The following PHLPP2 variants were observed in gnomAD, a reference collection of about 807,000 sequenced individuals.
PHLPP2 encodes PH domain and leucine rich repeat protein phosphatase 2.
PHLPP2 carries 66 observed loss-of-function variants against 124.9 expected under a neutral mutation model. The observed-to-expected ratio is 0.53, with a 90% CI of 0.43 to 0.65. The LOEUF (loss-of-function observed/expected upper bound fraction) is 0.65. Among genes scored for constraint, PHLPP2 ranks in the 30% least tolerant of loss-of-function variants. PHLPP2 has a pLI of 0.00. For synonymous variants in PHLPP2, 681 were observed against 624.7 expected (o/e 1.09, Z -1.34); for missense variants, 1,685 against 1,600.4 (o/e 1.05, Z -0.90).
intron 17 of PHLPP2, among the ~76,000 whole-genome samples, chr16:71,654,592 A>AT (rs1011933144): frequency 1.3e-5 from 2 of 152,156 alleles, no homozygotes; most frequent in African/African-American, 4.8e-5. Context: ...TCACCACATG[A>AT]TTTTGCCCAA....
intron 1 of PHLPP2, among the ~76,000 whole-genome samples, chr16:71,715,982 ACTCTGT>A (rs1196258718): frequency 6.7e-6 from 1 of 149,686 alleles, no homozygotes; most frequent in Non-Finnish European, 1.5e-5. Context: ...GGCAACAGAG[ACTCTGT>A]CTCAAAAAAA....
rs2044644038 is a variant in PHLPP2 at position 71,645,023 on chromosome 16, ATATTATTGAAT to A, written c.*3856_*3866del. 3.5e-6 allele frequency: 1 copy of A among 281,946 alleles called. No homozygotes were observed. Among genetic ancestry groups the A allele is most frequent in the African/African-American group, 2.3e-5 (1 of 43,944 alleles). 17.5% of individuals were successfully genotyped at this position (281,946 alleles called of 1,614,324 possible). ...GATTTGCTGCAACATGCTCTGGCTCATATTATTGAATTAAAAAATTTAACACATTTCAAAAA... is the reference window on the plus strand; with the variant it reads ...GATTTGCTGCAACATGCTCTGGCTCATAAAAAATTTAACACATTTCAAAAA... On this transcript the variant is annotated 3_prime_UTR_variant, in exon 19 of 19. Transcript: ENST00000568954.
At chr16:71,659,398 T>A (rs531698478) in intron 13 of PHLPP2, among the ~76,000 whole-genome samples, 4 of 152,064 alleles carry the variant, frequency 2.6e-5, no homozygotes, top group South Asian at 4.2e-4. Context: ...ATTACAGGCA[T>A]GCGCCACCAC....
intron 15 of PHLPP2, among the ~76,000 whole-genome samples, chr16:71,657,221 G>A (rs1467357773): frequency 3.9e-5 from 6 of 152,176 alleles, no homozygotes; most frequent in East Asian, 3.9e-4. Context: ...GGGATTACAG[G>A]TGTGAGCCAC....
intron 3 of PHLPP2, among the ~76,000 whole-genome samples, chr16:71,696,547 G>T (rs1407221803): frequency 6.6e-6 from 1 of 151,400 alleles, no homozygotes; most frequent in Non-Finnish European, 1.5e-5. Context: ...TGAGGCATGA[G>T]AATTGCTTGA....
rs2044763077 is a variant in PHLPP2, at chr16:71,658,768, T to C, written c.2033A>G (p.Asn678Ser). The C allele has an allele frequency of 2.5e-6, 4 of 1,614,192 alleles. No homozygotes were observed. Among genetic ancestry groups the C allele is most frequent in the Middle Eastern group, 1.6e-4 (1 of 6,062 alleles). The change falls in exon 14 of 19, where the codon AAC becomes AGC. Residue 678 changes from asparagine (N) to serine (S), a missense_variant. Coordinates refer to ENST00000568954, the MANE Select transcript of PHLPP2 (RefSeq NM_015020.3). ...GGTTGTGGGAATGGTTTTAAGCTTG[T>C]TGCCACTTAGGTTCAGTTCCTCCAA... The part of the protein sequence containing the change: ...EQLEELNLSG[N>S]KLKTIPTTIA...
intron 13 of PHLPP2, 34 bp downstream of exon 13, chr16:71,663,865 T>C (rs541874169): frequency 3.4e-6 from 5 of 1,466,396 alleles, no homozygotes; most frequent in Admixed American, 3.4e-5. Flanking sequence ...TAATGTTGTG[T>C]ATTTGAAATG....
At chr16:71,709,370 C>A (rs1597017013) in intron 2 of PHLPP2, among the ~76,000 whole-genome samples, 1 of 152,058 alleles carries the variant, frequency 6.6e-6, no homozygotes, top group African/African-American at 2.4e-5. Context: ...TGGTTCTAAA[C>A]TAATTTTAAA....
rs762580509 is a variant in PHLPP2, at chr16:71,669,285, C to G, written c.1618G>C (p.Val540Leu). The G allele has an allele frequency of 3.1e-6, 5 of 1,605,704 alleles. No individual in the cohort carries two copies. Reference protein sequence around the residue: ...LDVSYNLLTEVPVRILSSLSL... With the variant: ...LDVSYNLLTELPVRILSSLSL... ...TCCAGGCACACATACCTCACGGGAA[C>G]CTCTGTGAGAAGATTATAGCTCACA... is the stretch of plus-strand genomic sequence containing the variant. Residue 540 changes from valine (V) to leucine (L), a missense_variant, in exon 11 of 19, where the codon GTT (valine) becomes CTT (leucine). Coordinates refer to ENST00000568954, the MANE Select transcript of PHLPP2 (RefSeq NM_015020.3).
chr16:71,707,245 G>A (rs1193946242), intron 2 of PHLPP2, among the ~76,000 whole-genome samples: 2 of 151,924 alleles, frequency 1.3e-5, no homozygotes, highest in African/African-American at 4.8e-5. Flanking sequence ...GTGAGCCACC[G>A]CGCCCGGCCA....
intron 4 of PHLPP2, among the ~76,000 whole-genome samples, chr16:71,688,836 G>A (rs2045078988): frequency 6.6e-6 from 1 of 152,064 alleles, no homozygotes; most frequent in East Asian, 1.9e-4. Flanking sequence ...CCCCATGGTT[G>A]ATACTGGAGT....
At chr16:71,670,695 AACACAC>A (rs71153651) in intron 10 of PHLPP2, among the ~76,000 whole-genome samples, 1 of 128,938 alleles carries the variant, frequency 7.8e-6, no homozygotes, top group African/African-American at 3.0e-5. Context: ...AGAGGCTGAA[AACACAC>A]ACACACACAC....
chr16:71,722,575 C>A (rs2045405208), intron 1 of PHLPP2, among the ~76,000 whole-genome samples: 1 of 152,150 alleles, frequency 6.6e-6, no homozygotes, highest in Non-Finnish European at 1.5e-5. Flanking sequence ...TCGTACTAAC[C>A]TTCATAACAT....
At chr16:71,654,718 A>T (rs1409882103) in intron 17 of PHLPP2, among the ~76,000 whole-genome samples, 1 of 152,222 alleles carries the variant, frequency 6.6e-6, no homozygotes, top group Non-Finnish European at 1.5e-5. Context: ...TTTTCAACTT[A>T]TGATGTCAGG....
chr16:71,721,706 C>T (rs2045399812), intron 1 of PHLPP2, among the ~76,000 whole-genome samples: 1 of 151,214 alleles, frequency 6.6e-6, no homozygotes, highest in Non-Finnish European at 1.5e-5. Flanking sequence ...CACACACCGA[C>T]ATTAGCTGTA....
chr16:71,700,452 A>T (rs1344751947), intron 3 of PHLPP2, among the ~76,000 whole-genome samples: 1 of 151,106 alleles, frequency 6.6e-6, no homozygotes, highest in Non-Finnish European at 1.5e-5. Context: ...AAATTCTTTG[A>T]CACTCCTTTC....
At position 71,652,218 on chromosome 16, in the gene PHLPP2, G is replaced by C. The variant is rs1454749339; in HGVS notation, c.2817+572C>G. 2.6e-5 allele frequency among the ~76,000 whole-genome samples: 4 copies of C among 152,196 alleles called. No homozygotes were observed. In the East Asian group the frequency reaches 7.7e-4, roughly 29 times the overall value. Reference sequence around the variant, plus strand: ...ACAATCCAATTTACAGTTCTCAAAAGATCTGAACGGAATTCATCACGGAAT... The same window carrying C: ...ACAATCCAATTTACAGTTCTCAAAACATCTGAACGGAATTCATCACGGAAT... On this transcript the variant is annotated intron_variant, in intron 18 of 18. Coordinates refer to ENST00000568954, the MANE Select transcript of PHLPP2 (RefSeq NM_015020.3).
chr16:71,680,721 A>C (rs1277516785), intron 6 of PHLPP2, among the ~76,000 whole-genome samples: 1 of 152,204 alleles, frequency 6.6e-6, no homozygotes, highest in Non-Finnish European at 1.5e-5. Flanking sequence ...CTTCTCTTCC[A>C]AATTTTCAAC....
intron 18 of PHLPP2, among the ~76,000 whole-genome samples, chr16:71,650,788 C>G (rs2044690436): frequency 6.6e-6 from 1 of 152,272 alleles, no homozygotes; most frequent in South Asian, 2.1e-4. Context: ...GGGAGAAGAC[C>G]TGAGCTTATT....
Sources: gnomAD v4.1 joint callset for allele counts (sites outside exome capture counted in the v4.1 genomes callset) on GRCh38, gnomAD v4.1.1 for gene constraint, MANE v1.5 for transcripts, NCBI Gene and HGNC (gene_info 2026-07-23, HGNC 2026-07-21) for gene names.